The following NEBL variants were observed in gnomAD, a reference collection of about 807,000 sequenced individuals.
NEBL encodes the protein LIM and SH3 protein 2.
In NEBL, 122 loss-of-function variants were observed where a neutral mutation model predicts 140.2. That is an observed-to-expected ratio of 0.87 (90% CI 0.75 to 1.01). The LOEUF is 1.01. NEBL is among the 50% of genes least tolerant of loss of function. The pLI is 0.00. For synonymous variants in NEBL, 436 were observed against 398.9 expected (o/e 1.09, Z -1.11); for missense variants, 1,365 against 1,231.3 (o/e 1.11, Z -1.62).
Position 21,125,453 on chromosome 10 carries a change from T to A in NEBL, c.164+46930A>T, listed in dbSNP as rs190590210. 3.9e-5 allele frequency among the ~76,000 whole-genome samples: 6 copies of A among 152,336 alleles called. No individual in the cohort carries two copies. In the East Asian group the frequency reaches 1.2e-3, roughly 29 times the overall value. On this transcript the variant is annotated intron_variant, in intron 2 of 6. Transcript: ENST00000417816. ...GGAAGTTGCGGAGGGGACTACTTAATGAACTGGGCTATTTAAGGCTTCCCT... is the reference window on the plus strand; with the variant it reads ...GGAAGTTGCGGAGGGGACTACTTAAAGAACTGGGCTATTTAAGGCTTCCCT...
intron 2 of NEBL, chr10:21,029,652 T>C (rs1489297078): frequency 7.7e-7 from 1 of 1,303,346 alleles, no homozygotes; most frequent in Non-Finnish European, 1.1e-6. Flanking sequence ...GGGGTGATGA[T>C]AGGTTTGGAG....
At chr10:21,220,655 C>T (rs189891249) in intron 3 of NEBL, among the ~76,000 whole-genome samples, 1 of 151,960 alleles carries the variant, frequency 6.6e-6, no homozygotes, top group East Asian at 1.9e-4. Flanking sequence ...AATGGGATTG[C>T]ATCAAACTAA....
At chr10:20,830,652 G>A (rs998233238) in intron 16 of NEBL, among the ~76,000 whole-genome samples, 3 of 151,046 alleles carry the variant, frequency 2.0e-5, no homozygotes, top group Non-Finnish European at 4.4e-5. Flanking sequence ...TATTCATTAT[G>A]AAATGGTTAA....
chr10:21,122,906 C>T (rs1486323053), intron 2 of NEBL, among the ~76,000 whole-genome samples: 2 of 152,166 alleles, frequency 1.3e-5, no homozygotes, highest in Admixed American at 6.5e-5. Context: ...AGTGAATACT[C>T]TCATCTTCCT....
At chr10:20,976,360 G>C (rs1438949674) in intron 3 of NEBL, among the ~76,000 whole-genome samples, 1 of 150,510 alleles carries the variant, frequency 6.6e-6, no homozygotes, top group African/African-American at 2.4e-5. Flanking sequence ...AAAAAGTTTG[G>C]AGATTTCTCA....
At chr10:20,936,833 T>G (rs1589039661) in intron 4 of NEBL, among the ~76,000 whole-genome samples, 1 of 152,314 alleles carries the variant, frequency 6.6e-6, no homozygotes, top group East Asian at 1.9e-4. Flanking sequence ...ATCTCCCACC[T>G]TATGAATAAG....
At position 21,195,434 on chromosome 10, in the gene NEBL, C is replaced by T. The variant is rs562013740; in HGVS notation, n.349-22957G>A. Reference sequence around the variant, plus strand: ...AAACATCACAACATATCCAGATGTACAGTATATTCTAGTAATTAAATTGAC... The same window carrying T: ...AAACATCACAACATATCCAGATGTATAGTATATTCTAGTAATTAAATTGAC... On this transcript the variant is annotated intron_variant and non_coding_transcript_variant, in intron 3 of 8. Coordinates refer to the NEBL transcript ENST00000675702. Among the ~76,000 whole-genome samples, 511 of 152,260 alleles carry T rather than the reference C, an allele frequency of 3.4e-3. 3 individuals carry two copies. Among genetic ancestry groups the T allele is most frequent in the African/African-American group, 0.012 (487 of 41,540 alleles).
At chr10:20,878,101 G>A (rs970038893) in intron 5 of NEBL, among the ~76,000 whole-genome samples, 4 of 152,076 alleles carry the variant, frequency 2.6e-5, no homozygotes, top group Non-Finnish European at 2.9e-5. Flanking sequence ...TTGGGGTGGC[G>A]CAAAAGACTA....
chr10:20,881,659 T>C (rs182730532), intron 4 of NEBL, among the ~76,000 whole-genome samples: 14 of 152,354 alleles, frequency 9.2e-5, no homozygotes, highest in Admixed American at 5.9e-4. Context: ...TTATGTATAA[T>C]TACTTATCTA....
intron 2 of NEBL, among the ~76,000 whole-genome samples, chr10:21,048,150 T>C (rs1418728802): frequency 6.6e-6 from 1 of 152,202 alleles, no homozygotes; most frequent in Non-Finnish European, 1.5e-5. Context: ...CAGCATCCCT[T>C]GTCATTTGCA....
chr10:20,893,914 C>T (rs1204503827), intron 2 of NEBL, among the ~76,000 whole-genome samples: 1 of 152,190 alleles, frequency 6.6e-6, no homozygotes, highest in East Asian at 1.9e-4. Flanking sequence ...TGATGGTCTA[C>T]AGATTATCAA....
At chr10:21,171,027 G>T (rs765262880) in intron 2 of NEBL, among the ~76,000 whole-genome samples, 2 of 152,112 alleles carry the variant, frequency 1.3e-5, no homozygotes, top group Admixed American at 1.3e-4. Context: ...ACCACACAGG[G>T]GAACTGGTGA....
intron 2 of NEBL, among the ~76,000 whole-genome samples, chr10:21,078,190 A>G (rs1047562849): frequency 6.6e-6 from 1 of 152,220 alleles, no homozygotes; most frequent in Non-Finnish European, 1.5e-5. Flanking sequence ...TGAACACAGC[A>G]GCATGAGTAC....
intron 4 of NEBL, among the ~76,000 whole-genome samples, chr10:20,948,949 C>T (rs1216903048): frequency 1.3e-5 from 2 of 152,166 alleles, no homozygotes; most frequent in Admixed American, 6.5e-5. Context: ...TAGCTCTGTC[C>T]TCAAACACAT....
In NEBL at chr10:21,121,539, C is replaced by T. The variant is rs73607595; in HGVS notation, c.164+50844G>A. 2.3e-3 allele frequency among the ~76,000 whole-genome samples: 343 copies of T among 152,300 alleles called. 1 individual carries two copies. The highest frequency in any genetic ancestry group is 7.3e-3 in the African/African-American group (305 of 41,546). ...AAAGTCCAAATCAATGTATGCCTAT[C>T]ACGTGCACACTATATAATAGTAGAA... On this transcript the variant is annotated intron_variant, in intron 2 of 6. Transcript: ENST00000417816.
In NEBL at chr10:20,809,913, A is replaced by C; in HGVS notation, c.2519-15T>G. 6.3e-7 allele frequency: 1 copy of C among 1,581,338 alleles called. No individual in the cohort carries two copies. The highest frequency in any genetic ancestry group is 8.7e-7 in the Non-Finnish European group (1 of 1,150,734). ...AACTTTGAGGTCTTTTGCCAAAAGG[A>C]AGAAATCAACACTCATCAAGAAGGA... On this transcript the variant is annotated splice_polypyrimidine_tract_variant and intron_variant, in intron 24 of 27. Coordinates refer to ENST00000377122, the MANE Select transcript of NEBL (RefSeq NM_006393.3).
At chr10:21,279,152 G>A (rs1302865720) in intron 1 of NEBL, among the ~76,000 whole-genome samples, 2 of 152,104 alleles carry the variant, frequency 1.3e-5, no homozygotes, top group Non-Finnish European at 2.9e-5. Flanking sequence ...TGACATGGAA[G>A]AACAAAAGCA....
At chr10:20,970,810 C>T (rs558704478) in intron 3 of NEBL, among the ~76,000 whole-genome samples, 1 of 152,160 alleles carries the variant, frequency 6.6e-6, no homozygotes, top group Non-Finnish European at 1.5e-5. Flanking sequence ...GCGGAAGTCT[C>T]TCTGACATCC....
chr10:21,120,422 A>ATATATATATATATATATATATATT lies in NEBL; in HGVS notation c.164+51960_164+51961insAATATATATATATATATATATATA, dbSNP rs1191813457. 3.0e-4 allele frequency among the ~76,000 whole-genome samples: 26 copies of ATATATATATATATATATATATATT among 87,134 alleles called. 1 individual carries two copies. The highest frequency in any genetic ancestry group is 1.4e-3 in the African/African-American group (18 of 12,770). The allele number at this position is 87,134 out of a possible 152,430, so 57.2% of individuals were successfully genotyped here. Reference sequence around the variant, plus strand: ...TATATATATATATATATATATATATATAAATTTGATCACTGGTTTAAAGTA... The same window carrying ATATATATATATATATATATATATT: ...TATATATATATATATATATATATATATATATATATATATATATATATATTTAAATTTGATCACTGGTTTAAAGTA... On this transcript the variant is annotated intron_variant, in intron 2 of 6. Coordinates refer to the NEBL transcript ENST00000417816.
Sources: allele counts gnomAD v4.1 joint callset (sites outside exome capture counted in the v4.1 genomes callset), GRCh38; gene constraint gnomAD v4.1.1; transcripts MANE v1.5; gene names NCBI Gene and HGNC (gene_info 2026-07-23, HGNC 2026-07-21).